Variants in F13A1 observed in about 807,000 individuals in gnomAD.
F13A1 encodes coagulation factor XIII A chain.
F13A1 carries 47 observed loss-of-function variants against 80.1 expected under a neutral mutation model. The ratio of observed to expected loss-of-function variants is 0.59; its 90% CI spans 0.46 to 0.75. The LOEUF is 0.75. Among genes scored for constraint, F13A1 ranks in the 30% least tolerant of loss-of-function variants. The pLI is 0.00. For synonymous variants in F13A1, 349 were observed against 344.9 expected, an observed-to-expected ratio of 1.01 and a Z score of -0.13; for missense variants, 817 against 930.4, an observed-to-expected ratio of 0.88 and a Z score of 1.59.
chr6:6,257,731 T>G (rs1304558074), intron 4 of F13A1, among the ~76,000 whole-genome samples: 2 of 152,166 alleles, frequency 1.3e-5, no homozygotes, highest in Non-Finnish European at 2.9e-5. Context: ...ACAACATAGT[T>G]TACATTCCTT....
At chr6:6,216,932 C>T (rs990515499) in intron 8 of F13A1, among the ~76,000 whole-genome samples, 1 of 150,978 alleles carries the variant, frequency 6.6e-6, no homozygotes, top group African/African-American at 2.5e-5. Flanking sequence ...AAAAAATGCT[C>T]ACCATCACTG....
At chr6:6,307,101 G>A (rs1758523292) in intron 2 of F13A1, among the ~76,000 whole-genome samples, 1 of 152,152 alleles carries the variant, frequency 6.6e-6, no homozygotes, top group Non-Finnish European at 1.5e-5. Context: ...ACCCTGAGAA[G>A]GTCTATGAAG....
intron 10 of F13A1, among the ~76,000 whole-genome samples, chr6:6,183,713 A>C (rs973459542): frequency 6.6e-6 from 1 of 152,220 alleles, no homozygotes; most frequent in African/African-American, 2.4e-5. Context: ...CTAGAAAGTA[A>C]CAGCCAAGGT....
At position 6,248,399 on chromosome 6, in the gene F13A1, G is replaced by A; in HGVS notation, c.711C>T (p.Asp237=). Residue 237 remains aspartate, a synonymous_variant, in exon 6 of 15, where the codon GAC becomes GAT. Coordinates refer to ENST00000264870, the MANE Select transcript of F13A1 (RefSeq NM_000129.4). ...CTCTGTCCATCACATACAGGCAAGT[G>A]TCCAGGATGCCATCTTCAAACTATT... ...SYGQFEDGIL[D]TCLYVMDRAQ... 3 of 1,613,710 alleles carry A rather than the reference G, an allele frequency of 1.9e-6. No homozygotes were observed. Among genetic ancestry groups the A allele is most frequent in the Middle Eastern group, 1.7e-4 (1 of 6,056 alleles).
chr6:6,237,200 G>C (rs1757425281), intron 6 of F13A1, among the ~76,000 whole-genome samples: 1 of 152,160 alleles, frequency 6.6e-6, no homozygotes, highest in African/African-American at 2.4e-5. Context: ...TGGGAATGTA[G>C]AGATCTGTTT....
At chr6:6,316,925 T>TCTGCTTCC (rs941319515) in intron 2 of F13A1, among the ~76,000 whole-genome samples, 2 of 152,214 alleles carry the variant, frequency 1.3e-5, no homozygotes, top group African/African-American at 2.4e-5. Flanking sequence ...GCCTCTGCTC[T>TCTGCTTCC]CTGCTTCCCT....
intron 3 of F13A1, among the ~76,000 whole-genome samples, chr6:6,301,677 G>C (rs1583120866): frequency 6.6e-6 from 1 of 152,226 alleles, no homozygotes; most frequent in East Asian, 1.9e-4. Context: ...AATGTTCACT[G>C]TAATGGATGC....
At chr6:6,151,741 G>T in intron 14 of F13A1, 72 bp downstream of exon 14, 1 of 1,597,914 alleles carries the variant, frequency 6.3e-7, no homozygotes. Context: ...TCTATGTTTG[G>T]AAAAGACACA....
intron 3 of F13A1, among the ~76,000 whole-genome samples, chr6:6,277,335 C>CAAA (rs1160750080): frequency 0.022 from 9 of 414 alleles, 4 homozygotes; most frequent in African/African-American, 0.062. Context: ...GACTCCGTCT[C>CAAA]AAAAAAAAAA....
At position 6,145,671 on chromosome 6, in the gene F13A1, C is replaced by T. The variant is rs147189258; in HGVS notation, c.2147G>A (p.Arg716Lys). 6.2e-6 allele frequency: 10 copies of T among 1,614,066 alleles called. No individual in the cohort carries two copies. The African/African-American group carries it at 1.3e-4, about 22-fold the overall frequency. ...LIASMSSDSL[R>K]HVYGELDVQI... ...CACGTCCAGCTCGCCATACACATGT[C>T]TCAGGGAGTCACTGCTCATGCTGGC... Residue 716 changes from arginine to lysine, a missense_variant, in exon 15 of 15, where the codon AGA (arginine) becomes AAA (lysine). Arg to Lys is a conservative substitution (Grantham distance 26). Coordinates refer to ENST00000264870, the MANE Select transcript of F13A1 (RefSeq NM_000129.4).
chr6:6,198,098 A>G lies in F13A1; in HGVS notation c.1113-772T>C, dbSNP rs185165989. On this transcript the variant is annotated intron_variant, in intron 8 of 14. Transcript: ENST00000264870. ...ATACTTGTGTTTGTGGTCTTAGACTATTACTGTAGAAACTACAACAATTAT... is the reference window on the plus strand; with the variant it reads ...ATACTTGTGTTTGTGGTCTTAGACTGTTACTGTAGAAACTACAACAATTAT... 8.5e-5 allele frequency among the ~76,000 whole-genome samples: 13 copies of G among 152,360 alleles called. No homozygotes were observed. In the East Asian group the frequency reaches 2.5e-3, roughly 29 times the overall value.
chr6:6,264,604 C>A (rs1348558473), intron 4 of F13A1, among the ~76,000 whole-genome samples: 3 of 152,220 alleles, frequency 2.0e-5, no homozygotes, highest in Admixed American at 6.5e-5. Flanking sequence ...AAATATATAT[C>A]TCTGATTTTC....
intron 13 of F13A1, among the ~76,000 whole-genome samples, chr6:6,157,998 A>T (rs1271317988): frequency 6.6e-6 from 1 of 152,142 alleles, no homozygotes; most frequent in Non-Finnish European, 1.5e-5. Context: ...ATAGTTTACG[A>T]TCATCTATCC....
chr6:6,259,948 A>G (rs1316106268), intron 4 of F13A1, among the ~76,000 whole-genome samples: 1 of 152,236 alleles, frequency 6.6e-6, no homozygotes, highest in African/African-American at 2.4e-5. Context: ...CTAGTGCTAG[A>G]CTACCAAACT....
In F13A1 at chr6:6,158,240, A is replaced by T. The variant is rs529207129; in HGVS notation, c.1909-6291T>A. 2.0e-5 allele frequency among the ~76,000 whole-genome samples: 3 copies of T among 152,274 alleles called. No homozygotes were observed. In the South Asian group the frequency reaches 6.2e-4, roughly 32 times the overall value. On this transcript the variant is annotated intron_variant, in intron 13 of 14. Transcript: ENST00000264870. ...CACGGACATAACTGAGGTGACTGGGATGCACACAGTGGTGCTATTCCAGGC... is the reference window on the plus strand; with the variant it reads ...CACGGACATAACTGAGGTGACTGGGTTGCACACAGTGGTGCTATTCCAGGC...
intron 8 of F13A1, among the ~76,000 whole-genome samples, chr6:6,220,036 T>A (rs1757169121): frequency 6.6e-6 from 1 of 152,174 alleles, no homozygotes; most frequent in African/African-American, 2.4e-5. Context: ...TTGCCCAAAG[T>A]CACACAGCTT....
At chr6:6,223,040 C>G (rs1757221856) in intron 7 of F13A1, among the ~76,000 whole-genome samples, 1 of 152,170 alleles carries the variant, frequency 6.6e-6, no homozygotes. Context: ...AAAACGATTG[C>G]CACTCTCATT....
chr6:6,311,483 G>T (rs1020841163), intron 2 of F13A1, among the ~76,000 whole-genome samples: 3 of 150,216 alleles, frequency 2.0e-5, no homozygotes, highest in Non-Finnish European at 4.4e-5. Flanking sequence ...GTGAGAAAAA[G>T]GGTGCTGATT....
At chr6:6,147,156 CAG>C (rs1251825835) in intron 14 of F13A1, among the ~76,000 whole-genome samples, 5 of 152,244 alleles carry the variant, frequency 3.3e-5, no homozygotes, top group East Asian at 1.9e-4. Context: ...TTTGGGGACT[CAG>C]GGGAAAGGTG....
Sources: allele counts gnomAD v4.1 joint callset (sites outside exome capture counted in the v4.1 genomes callset), GRCh38; gene constraint gnomAD v4.1.1; transcripts MANE v1.5; gene names NCBI Gene and HGNC (gene_info 2026-07-23, HGNC 2026-07-21).